Variants in PLEKHG1 observed in about 807,000 individuals in gnomAD.
The protein encoded by PLEKHG1 is pleckstrin homology and RhoGEF domain containing G1, also known as pleckstrin homology domain-containing family G member 1.
In PLEKHG1, 44 loss-of-function variants were observed where a neutral mutation model predicts 100.8. The ratio of observed to expected loss-of-function variants is 0.44; its 90% CI spans 0.34 to 0.56. The LOEUF (loss-of-function observed/expected upper bound fraction) is 0.56, where lower values mean the gene tolerates loss of function less well. PLEKHG1 is among the 20% of genes least tolerant of loss of function. The pLI is 0.01. For synonymous variants in PLEKHG1, 640 were observed against 662.5 expected, an observed-to-expected ratio of 0.97 and a Z score of 0.52; for missense variants, 1,545 against 1,720.9, an observed-to-expected ratio of 0.90 and a Z score of 1.81.
intron 15 of PLEKHG1, among the ~76,000 whole-genome samples, chr6:150,838,015 G>C (rs1293307027): frequency 6.6e-6 from 1 of 152,150 alleles, no homozygotes; most frequent in Non-Finnish European, 1.5e-5. Flanking sequence ...CAGGGAATAG[G>C]GGGTGAGGGA....
chr6:150,602,169 C>T (rs1258218556), intron 1 of PLEKHG1, among the ~76,000 whole-genome samples: 2 of 152,194 alleles, frequency 1.3e-5, no homozygotes, highest in Non-Finnish European at 2.9e-5. Context: ...TTGAGCCCTT[C>T]GTCAACCAAA....
At chr6:150,733,723 C>T (rs1359262269) in exon 2 of PLEKHG1, 2 of 1,614,214 alleles carry the variant, frequency 1.2e-6, no homozygotes, top group Admixed American at 3.3e-5. Flanking sequence ...GCTTCGGTTC[C>T]ACATCATCCT....
intron 3 of PLEKHG1, among the ~76,000 whole-genome samples, chr6:150,694,661 T>C (rs1280537496): frequency 6.7e-6 from 1 of 150,370 alleles, no homozygotes; most frequent in Non-Finnish European, 1.5e-5. Flanking sequence ...GATGGTACCA[T>C]TGTACTCCAG....
At chr6:150,739,457 C>T (rs1782735351) in intron 2 of PLEKHG1, among the ~76,000 whole-genome samples, 2 of 152,050 alleles carry the variant, frequency 1.3e-5, no homozygotes, top group Non-Finnish European at 1.5e-5. Context: ...CACTTGAGGT[C>T]AGGAGTTTGA....
intron 1 of PLEKHG1, among the ~76,000 whole-genome samples, chr6:150,728,714 G>A (rs1782083353): frequency 2.0e-5 from 3 of 152,128 alleles, no homozygotes; most frequent in Non-Finnish European, 4.4e-5. Context: ...TGGCCAACAT[G>A]GTGAAACCCC....
chr6:150,841,257 T>C (rs1777520991), exon 16 of PLEKHG1: 4 of 317,390 alleles, frequency 1.3e-5, no homozygotes, highest in African/African-American at 2.2e-5. Context: ...CCAGGTAGTT[T>C]TATCCTGTGA....
At chr6:150,777,134 CAT>C (rs1785020421) in intron 3 of PLEKHG1, among the ~76,000 whole-genome samples, 1 of 149,992 alleles carries the variant, frequency 6.7e-6, no homozygotes, top group Non-Finnish European at 1.5e-5. Context: ...TCCTGGTGCA[CAT>C]GTGCAGTTGC....
At chr6:150,654,214 G>A (rs1042705016) in intron 3 of PLEKHG1, among the ~76,000 whole-genome samples, 1 of 152,220 alleles carries the variant, frequency 6.6e-6, no homozygotes, top group Non-Finnish European at 1.5e-5. Flanking sequence ...GGTGCTGAGG[G>A]CGTCCTGATC....
At chr6:150,832,199 G>T (rs745737557) in exon 15 of PLEKHG1, 1 of 1,588,402 alleles carries the variant, frequency 6.3e-7, no homozygotes, top group Non-Finnish European at 8.5e-7. Flanking sequence ...AGGAGGGCCC[G>T]CCATTGGTAT....
At chr6:150,836,806 G>A (rs1777243245) in intron 15 of PLEKHG1, among the ~76,000 whole-genome samples, 1 of 140,282 alleles carries the variant, frequency 7.1e-6, no homozygotes, top group Non-Finnish European at 1.5e-5. Context: ...CTGGCCAACA[G>A]AATAAGACCC....
intron 1 of PLEKHG1, among the ~76,000 whole-genome samples, chr6:150,617,961 G>C (rs530378086): frequency 6.6e-6 from 1 of 152,180 alleles, no homozygotes; most frequent in East Asian, 1.9e-4. Flanking sequence ...CTGGAATGGA[G>C]GTGGGAGACT....
chr6:150,743,775 G>T (rs551988643), intron 2 of PLEKHG1, among the ~76,000 whole-genome samples: 3 of 150,408 alleles, frequency 2.0e-5, no homozygotes, highest in East Asian at 3.9e-4. Context: ...ACTCATTCCA[G>T]TTCATTTGAC....
At chr6:150,701,758 A>G (rs369731954) in intron 3 of PLEKHG1, among the ~76,000 whole-genome samples, 1 of 151,690 alleles carries the variant, frequency 6.6e-6, no homozygotes. Flanking sequence ...TTAAAAAACA[A>G]AAAAAAGAAT....
intron 1 of PLEKHG1, among the ~76,000 whole-genome samples, chr6:150,732,106 C>A (rs1782293425): frequency 6.6e-6 from 1 of 151,906 alleles, no homozygotes; most frequent in South Asian, 2.1e-4. Context: ...GGACTACAGG[C>A]ACCCGCCACC....
intron 1 of PLEKHG1, among the ~76,000 whole-genome samples, chr6:150,726,379 G>C (rs1247753536): frequency 2.6e-5 from 4 of 152,072 alleles, no homozygotes; most frequent in Non-Finnish European, 2.9e-5. Flanking sequence ...CTTATCTCCA[G>C]ATTCAAGTTT....
chr6:150,696,999 A>C (rs1402873978), intron 3 of PLEKHG1, among the ~76,000 whole-genome samples: 1 of 151,992 alleles, frequency 6.6e-6, no homozygotes, highest in East Asian at 1.9e-4. Flanking sequence ...TGGGAGGCTG[A>C]GGCACGAGAA....
At chr6:150,805,471 C>G (rs1316955858) in intron 7 of PLEKHG1, among the ~76,000 whole-genome samples, 1 of 151,948 alleles carries the variant, frequency 6.6e-6, no homozygotes, top group Non-Finnish European at 1.5e-5. Flanking sequence ...GGAGCCAAGG[C>G]TGAACCAGCT....
At chr6:150,621,414 G>C (rs1777295888) in intron 1 of PLEKHG1, among the ~76,000 whole-genome samples, 1 of 144,424 alleles carries the variant, frequency 6.9e-6, no homozygotes, top group South Asian at 2.2e-4. Context: ...TCACTCTGTT[G>C]CCCAGGCTGG....
chr6:150,625,498 CT>C lies in PLEKHG1; in HGVS notation c.-203-12573del, dbSNP rs756178844. Among the ~76,000 whole-genome samples, 522 of 151,194 alleles carry C rather than the reference CT, an allele frequency of 3.5e-3. 4 individuals are homozygous for C. The highest frequency in any genetic ancestry group is 0.012 in the African/African-American group (495 of 41,238). On this transcript the variant is annotated intron_variant, in intron 1 of 3. Coordinates refer to the PLEKHG1 transcript ENST00000367326. ...CTCATTTTACCTTAATCATCTCTCTCTTTTTTTTTAAGTGACAGAGTTGCAC... is the reference window on the plus strand; with the variant it reads ...CTCATTTTACCTTAATCATCTCTCTCTTTTTTTTAAGTGACAGAGTTGCAC...
Sources: allele counts gnomAD v4.1 joint callset (sites outside exome capture counted in the v4.1 genomes callset), GRCh38; gene constraint gnomAD v4.1.1; transcripts MANE v1.5; gene names NCBI Gene and HGNC (gene_info 2026-07-23, HGNC 2026-07-21).